The following CD46 variants were observed in gnomAD, a reference collection of about 807,000 sequenced individuals.
The protein encoded by CD46 is CD46 molecule.
Under a neutral mutation model 53.3 loss-of-function variants are expected in CD46, and 30 were observed. The observed-to-expected ratio is 0.56, with a 90% CI of 0.42 to 0.76. CD46 has a LOEUF of 0.76. CD46 is among the 30% of genes least tolerant of loss of function. The pLI is 0.00. For synonymous variants in CD46, 142 were observed against 152.0 expected, an observed-to-expected ratio of 0.93 and a Z score of 0.48; for missense variants, 409 against 463.0, an observed-to-expected ratio of 0.88 and a Z score of 1.07.
At chr1:207,783,381 GT>G (rs748493866) in intron 9 of CD46, 51 bp downstream of exon 9, 2 of 1,149,146 alleles carry the variant, frequency 1.7e-6, no homozygotes, top group Admixed American at 3.4e-5. Flanking sequence ...GTAGAAACGT[GT>G]AGGTAATTAG....
At chr1:207,776,096 C>A (rs1658071622) in intron 8 of CD46, among the ~76,000 whole-genome samples, 1 of 152,244 alleles carries the variant, frequency 6.6e-6, no homozygotes, top group Non-Finnish European at 1.5e-5. Context: ...TTCCTCCCCT[C>A]ATCAGGCTGC....
intron 1 of CD46, among the ~76,000 whole-genome samples, chr1:207,755,684 C>G (rs1655455285): frequency 2.6e-5 from 4 of 152,202 alleles, no homozygotes; most frequent in Admixed American, 1.3e-4. Context: ...ACAGTAGCGT[C>G]TCAGTTTCCT....
chr1:207,772,070 C>T (rs979788901), intron 8 of CD46, among the ~76,000 whole-genome samples: 7 of 152,140 alleles, frequency 4.6e-5, no homozygotes, highest in African/African-American at 7.2e-5. Flanking sequence ...TCTTTTATTT[C>T]GTTGAGCAGT....
intron 7 of CD46, 158 bp downstream of exon 7, chr1:207,767,981 C>G (rs1657056295): frequency 1.5e-6 from 1 of 651,324 alleles, no homozygotes; most frequent in Non-Finnish European, 2.7e-6. Context: ...CATAGTGATT[C>G]TAAAATTATT....
chr1:207,770,419 T>C, intron 8 of CD46, 57 bp downstream of exon 8: 1 of 1,245,806 alleles, frequency 8.0e-7, no homozygotes, highest in South Asian at 1.2e-5. Flanking sequence ...TTATTTTTAT[T>C]ATACTTTAAG....
rs781571568 is a variant in CD46, at chr1:207,783,280, CT to C, written c.944-6del. On this transcript the variant is annotated splice_polypyrimidine_tract_variant and intron_variant, in intron 8 of 12. Coordinates refer to ENST00000367042, the MANE Select transcript of CD46 (RefSeq NM_172351.3). ...TTTATTAATTTAATCTATATTTCTT[CT>C]TTTTTCCTAGGATATCCTAAACCTG... 7.8e-6 allele frequency: 11 copies of C among 1,413,668 alleles called. No individual in the cohort carries two copies. The highest frequency in any genetic ancestry group is 4.7e-5 in the South Asian group (4 of 84,476). 87.6% of individuals were successfully genotyped at this position (1,413,668 alleles called of 1,614,324 possible). A position where few individuals can be genotyped will look rare whatever the true frequency, so the allele number is the denominator to read the frequency against.
At chr1:207,774,373 C>A (rs1284033257) in intron 8 of CD46, among the ~76,000 whole-genome samples, 1 of 152,114 alleles carries the variant, frequency 6.6e-6, no homozygotes, top group African/African-American at 2.4e-5. Context: ...GGGCATTTAG[C>A]CCATTTTCAT....
intron 8 of CD46, among the ~76,000 whole-genome samples, chr1:207,770,862 T>TA (rs1657442717): frequency 6.6e-6 from 1 of 152,250 alleles, no homozygotes; most frequent in Non-Finnish European, 1.5e-5. Flanking sequence ...ACAATAAACA[T>TA]ACGTGTGCAT....
chr1:207,785,142 A>G, intron 10 of CD46, 36 bp downstream of exon 10: 1 of 1,502,044 alleles, frequency 6.7e-7, no homozygotes. Flanking sequence ...CTTAAGTCAA[A>G]AAATTATTGT....
intron 10 of CD46, 53 bp from the exon 11 acceptor site, chr1:207,785,566 C>T: frequency 2.4e-6 from 3 of 1,229,594 alleles, no homozygotes; most frequent in Non-Finnish European, 3.6e-6. Context: ...GATGTTGAAT[C>T]TTGGTGATTA....
At chr1:207,765,713 T>C (rs1040549189) in intron 5 of CD46, among the ~76,000 whole-genome samples, 13 of 152,214 alleles carry the variant, frequency 8.5e-5, no homozygotes, top group Non-Finnish European at 1.6e-4. Flanking sequence ...GAAACTCTCA[T>C]ATACTGATGG....
At chr1:207,783,253 C>T in intron 8 of CD46, 39 bp from the exon 9 acceptor site, 2 of 1,109,282 alleles carry the variant, frequency 1.8e-6, no homozygotes, top group Non-Finnish European at 2.7e-6. Context: ...TTCTTTCCTT[C>T]TTTTATTAAT....
At chr1:207,755,618 AT>A (rs1400823462) in intron 1 of CD46, among the ~76,000 whole-genome samples, 3 of 152,134 alleles carry the variant, frequency 2.0e-5, no homozygotes, top group Non-Finnish European at 4.4e-5. Context: ...TCTTCTGCCT[AT>A]TTTAGGTGTT....
At chr1:207,753,907 G>C (rs1655207950) in intron 1 of CD46, among the ~76,000 whole-genome samples, 1 of 152,010 alleles carries the variant, frequency 6.6e-6, no homozygotes, top group Non-Finnish European at 1.5e-5. Flanking sequence ...TTGTATGTCT[G>C]GTGCTATTAC....
At chr1:207,774,607 G>T (rs963071876) in intron 8 of CD46, among the ~76,000 whole-genome samples, 1 of 152,114 alleles carries the variant, frequency 6.6e-6, no homozygotes, top group Non-Finnish European at 1.5e-5. Context: ...GCATTTGCTT[G>T]TCTATAAACT....
At chr1:207,786,612 A>G (rs1659296156) in intron 11 of CD46, among the ~76,000 whole-genome samples, 1 of 152,166 alleles carries the variant, frequency 6.6e-6, no homozygotes, top group Non-Finnish European at 1.5e-5. Context: ...TTTGAAATCA[A>G]ACCTAATAAT....
At chr1:207,767,715 G>C in intron 6 of CD46, 64 bp from the exon 7 acceptor site, 1 of 1,591,326 alleles carries the variant, frequency 6.3e-7, no homozygotes, top group South Asian at 1.1e-5. Context: ...GGAATTCCTG[G>C]AGAAATTGCC....
chr1:207,755,681 C>G (rs1281183088), intron 1 of CD46, among the ~76,000 whole-genome samples: 1 of 152,188 alleles, frequency 6.6e-6, no homozygotes, highest in Admixed American at 6.5e-5. Context: ...TACACAGTAG[C>G]GTCTCAGTTT....
intron 7 of CD46, 67 bp downstream of exon 7, chr1:207,767,890 C>CA: frequency 7.8e-7 from 1 of 1,289,218 alleles, no homozygotes; most frequent in Non-Finnish European, 1.1e-6. Flanking sequence ...TTTATAAAAT[C>CA]CTTCAAATTT....
Sources: gnomAD v4.1 joint callset for allele counts (sites outside exome capture counted in the v4.1 genomes callset) on GRCh38, gnomAD v4.1.1 for gene constraint, MANE v1.5 for transcripts, NCBI Gene and HGNC (gene_info 2026-07-23, HGNC 2026-07-21) for gene names.